The following PDE4D variants were observed in gnomAD, a reference collection of about 807,000 sequenced individuals.
The protein encoded by PDE4D is 3',5'-cyclic-AMP phosphodiesterase 4D.
A neutral mutation model predicts 87.4 loss-of-function variants in PDE4D; 24 were observed. The observed-to-expected ratio is 0.27, with a 90% confidence interval of 0.20 to 0.39. PDE4D has a LOEUF of 0.39. Ranked by LOEUF, PDE4D falls within the 10% of genes least tolerant of loss-of-function variation. The pLI, the probability that PDE4D is intolerant of heterozygous loss-of-function variation, is 1.00. For synonymous variants in PDE4D, 384 were observed against 383.2 expected, an observed-to-expected ratio of 1.00 and a Z score of -0.02; for missense variants, 714 against 1,041.0, an observed-to-expected ratio of 0.69 and a Z score of 4.32.
chr5:60,321,585 A>G (rs1336034454), intron 1 of PDE4D, among the ~76,000 whole-genome samples: 1 of 152,234 alleles, frequency 6.6e-6, no homozygotes, highest in Non-Finnish European at 1.5e-5. Flanking sequence ...ACAGCAAAAG[A>G]AACTATCAAT....
At position 59,221,528 on chromosome 5, in the gene PDE4D, A is replaced by T. The variant is rs112633365; in HGVS notation, c.456-5560T>A. ...TTATCTGTAGTCCCAGCTACCCCAG[A>T]GGTGGAGGCAGGAGGATCACCTGAA... On this transcript the variant is annotated intron_variant, in intron 1 of 14. Transcript: ENST00000340635. Among the ~76,000 whole-genome samples, 424 of 152,212 alleles carry T rather than the reference A, an allele frequency of 2.8e-3. 2 individuals carry two copies. The highest frequency in any genetic ancestry group is 9.7e-3 in the African/African-American group (404 of 41,552).
rs570523803 is a variant in PDE4D, at chr5:59,154,057, G to C, written c.808+26538C>G. On this transcript the variant is annotated intron_variant, in intron 5 of 14. Coordinates refer to ENST00000340635, the MANE Select transcript of PDE4D (RefSeq NM_001104631.2). ...AGAGTCAGCCAGGGGCTGGGCTGGA[G>C]AGGAGGTACAATACATATCTGGATA... 1.2e-4 allele frequency among the ~76,000 whole-genome samples: 19 copies of C among 152,298 alleles called. No individual in the cohort carries two copies. In the South Asian group the frequency reaches 3.7e-3, roughly 30 times the overall value.
intron 5 of PDE4D, among the ~76,000 whole-genome samples, chr5:59,051,395 C>T (rs1201192309): frequency 6.6e-6 from 1 of 152,124 alleles, no homozygotes; most frequent in African/African-American, 2.4e-5. Flanking sequence ...ATAGCTTTTA[C>T]AAGACCACAC....
intron 1 of PDE4D, among the ~76,000 whole-genome samples, chr5:59,280,124 T>C (rs1765550995): frequency 6.6e-6 from 1 of 152,084 alleles, no homozygotes; most frequent in Admixed American, 6.6e-5. Flanking sequence ...TATGACAACA[T>C]CATGAGTTTG....
intron 1 of PDE4D, among the ~76,000 whole-genome samples, chr5:59,365,138 C>T (rs1782845743): frequency 6.6e-6 from 1 of 152,076 alleles, no homozygotes; most frequent in South Asian, 2.1e-4. Flanking sequence ...ATAACATGAG[C>T]TCTTATTTAA....
At chr5:60,341,720 G>A (rs939543989) in intron 1 of PDE4D, among the ~76,000 whole-genome samples, 2 of 152,022 alleles carry the variant, frequency 1.3e-5, no homozygotes, top group South Asian at 4.2e-4. Flanking sequence ...CCTTTAAAAG[G>A]GCACCATCCA....
chr5:59,485,727 A>G (rs955801445), intron 1 of PDE4D, among the ~76,000 whole-genome samples: 9 of 152,212 alleles, frequency 5.9e-5, no homozygotes, highest in African/African-American at 1.9e-4. Flanking sequence ...TTTGCATAAG[A>G]TTAGAGCCTA....
intron 1 of PDE4D, among the ~76,000 whole-genome samples, chr5:60,435,624 T>C (rs1285104815): frequency 6.6e-6 from 1 of 151,996 alleles, no homozygotes; most frequent in Non-Finnish European, 1.5e-5. Context: ...AATACCTCTT[T>C]CTATTTGCAA....
chr5:59,881,698 G>A (rs1024014734), intron 1 of PDE4D, among the ~76,000 whole-genome samples: 3 of 152,076 alleles, frequency 2.0e-5, no homozygotes, highest in Admixed American at 6.6e-5. Flanking sequence ...TACTGTGTTT[G>A]AATGTGAGAA....
intron 1 of PDE4D, among the ~76,000 whole-genome samples, chr5:59,315,072 C>T (rs1011142441): frequency 6.6e-6 from 1 of 152,154 alleles, no homozygotes; most frequent in African/African-American, 2.4e-5. Context: ...AGCCTGCTGG[C>T]AGAAACCCCT....
chr5:59,340,393 A>G (rs1000128554), intron 1 of PDE4D, among the ~76,000 whole-genome samples: 2 of 152,178 alleles, frequency 1.3e-5, no homozygotes, highest in African/African-American at 2.4e-5. Flanking sequence ...TAATGTATTT[A>G]CTTTTTACTT....
chr5:60,304,615 G>A (rs904183635), intron 1 of PDE4D, among the ~76,000 whole-genome samples: 2 of 137,132 alleles, frequency 1.5e-5, no homozygotes, highest in Non-Finnish European at 3.0e-5. Context: ...ACTGCAGTCC[G>A]CAGTCCGGCC....
At chr5:59,704,309 T>C (rs1482996520) in intron 1 of PDE4D, among the ~76,000 whole-genome samples, 1 of 152,212 alleles carries the variant, frequency 6.6e-6, no homozygotes, top group Non-Finnish European at 1.5e-5. Context: ...TTCCCTGATA[T>C]TAGTAAGGAT....
At chr5:59,644,716 G>A (rs768778762) in intron 1 of PDE4D, among the ~76,000 whole-genome samples, 8 of 152,078 alleles carry the variant, frequency 5.3e-5, no homozygotes, top group Non-Finnish European at 1.0e-4. Flanking sequence ...GTATCTGTAC[G>A]TGTATTTTAA....
intron 2 of PDE4D, among the ~76,000 whole-genome samples, chr5:60,089,323 C>T (rs1023754355): frequency 2.0e-5 from 3 of 151,774 alleles, no homozygotes; most frequent in African/African-American, 7.3e-5. Flanking sequence ...TCAAAAAAGT[C>T]AAAATCATAT....
chr5:60,095,226 G>C (rs1297036377), intron 2 of PDE4D, among the ~76,000 whole-genome samples: 1 of 152,058 alleles, frequency 6.6e-6, no homozygotes, highest in Non-Finnish European at 1.5e-5. Flanking sequence ...ACAGGCCCCA[G>C]TGTGTGATGT....
At chr5:59,754,415 CA>C (rs1453770521) in intron 1 of PDE4D, among the ~76,000 whole-genome samples, 1 of 152,156 alleles carries the variant, frequency 6.6e-6, no homozygotes, top group Non-Finnish European at 1.5e-5. Flanking sequence ...GGCATCACAT[CA>C]GACCTATTGT....
intron 1 of PDE4D, among the ~76,000 whole-genome samples, chr5:60,394,842 A>G (rs1415988824): frequency 6.6e-6 from 1 of 152,188 alleles, no homozygotes; most frequent in African/African-American, 2.4e-5. Context: ...GAGCTCATGA[A>G]TCTACATTAA....
Position 59,945,018 on chromosome 5 carries a change from A to T in PDE4D, c.272+43470T>A, listed in dbSNP as rs1276781323. 3.3e-5 allele frequency among the ~76,000 whole-genome samples: 5 copies of T among 152,258 alleles called. No individual in the cohort carries two copies. In the East Asian group the frequency reaches 9.6e-4, roughly 29 times the overall value. On this transcript the variant is annotated intron_variant, in intron 3 of 16. Transcript: ENST00000502484. ...TTTAATTTAAGATATACACTGTTAC[A>T]TGTTAAAATTTCAAAGTGCAGCATT... is the stretch of plus-strand genomic sequence containing the variant.
Sources: allele counts gnomAD v4.1 joint callset (sites outside exome capture counted in the v4.1 genomes callset), GRCh38; gene constraint gnomAD v4.1.1; transcripts MANE v1.5; gene names NCBI Gene and HGNC (gene_info 2026-07-23, HGNC 2026-07-21).